PXDNL: variants seen among roughly 807,000 people sequenced by gnomAD.
The protein encoded by PXDNL is peroxidasin like.
PXDNL carries 145 observed loss-of-function variants against 150.8 expected under a neutral mutation model. The observed-to-expected ratio is 0.96, with a 90% CI of 0.84 to 1.10. The LOEUF (loss-of-function observed/expected upper bound fraction) is 1.10, where lower values mean the gene tolerates loss of function less well. Among genes scored for constraint, PXDNL ranks in the 50% least tolerant of loss-of-function variants. PXDNL has a pLI of 0.00. For missense variants in PXDNL, 2,087 were observed against 1,873.9 expected, an observed-to-expected ratio of 1.11 and a Z score of -2.10; for synonymous variants, 757 against 725.7, an observed-to-expected ratio of 1.04 and a Z score of -0.69.
intron 21 of PXDNL, 23 bp downstream of exon 21, chr8:51,339,601 T>C (rs1292460574): frequency 6.2e-7 from 1 of 1,608,950 alleles, no homozygotes; most frequent in Non-Finnish European, 8.5e-7. Context: ...AATAAGGACA[T>C]GTTATTTGAA....
chr8:51,536,468 C>T (rs138734967), intron 4 of PXDNL, among the ~76,000 whole-genome samples: 434 of 152,162 alleles, frequency 2.9e-3, no homozygotes, highest in Non-Finnish European at 4.4e-3. Flanking sequence ...AAAACTTGAG[C>T]CTAGGCTGAA....
chr8:51,638,650 A>G lies in PXDNL; in HGVS notation c.236+16039T>C, dbSNP rs371180335. On this transcript the variant is annotated intron_variant, in intron 2 of 22. Coordinates refer to ENST00000356297, the MANE Select transcript of PXDNL (RefSeq NM_144651.5). Reference sequence around the variant, plus strand: ...GGGATCAATTCAACAAGAAGAGCTAACTATCCTAAATATATATGCACCCAA... The same window carrying G: ...GGGATCAATTCAACAAGAAGAGCTAGCTATCCTAAATATATATGCACCCAA... Among the ~76,000 whole-genome samples the G allele has an allele frequency of 2.0e-5, 3 of 152,206 alleles. No individual in the cohort carries two copies. In the East Asian group the frequency reaches 5.8e-4, roughly 29 times the overall value.
chr8:51,347,847 C>G (rs555490211), intron 19 of PXDNL, among the ~76,000 whole-genome samples: 1 of 152,056 alleles, frequency 6.6e-6, no homozygotes, highest in East Asian at 1.9e-4. Flanking sequence ...ATGCTGTTAC[C>G]TCGACTTAGT....
intron 1 of PXDNL, among the ~76,000 whole-genome samples, chr8:51,699,232 T>G (rs1037786336): frequency 9.2e-5 from 14 of 152,246 alleles, no homozygotes; most frequent in African/African-American, 3.4e-4. Flanking sequence ...TTTCTTCCAG[T>G]AGAAATCTGG....
At chr8:51,553,215 G>A (rs942504078) in intron 4 of PXDNL, among the ~76,000 whole-genome samples, 7 of 152,160 alleles carry the variant, frequency 4.6e-5, no homozygotes, top group African/African-American at 9.7e-5. Flanking sequence ...CAAAGCTCTC[G>A]TGGGTTGAAG....
In PXDNL at chr8:51,319,976, C is replaced by G. The variant is rs746155726; in HGVS notation, c.4307G>C (p.Cys1436Ser). The change falls in exon 23 of 23, where the codon TGT (cysteine) becomes TCT (serine). Residue 1436 changes from cysteine (C) to serine (S), a missense_variant. Coordinates refer to ENST00000356297, the MANE Select transcript of PXDNL (RefSeq NM_144651.5). ...CVVEICPPAPCPSPELVKGTC... is the reference protein window; with the variant it reads ...CVVEICPPAPSPSPELVKGTC... ...TCCTTTCACCAATTCAGGACTGGGA[C>G]AGGGAGCCGGGGGACAAATCTCCAC... is the stretch of plus-strand genomic sequence containing the variant. 6.3e-7 allele frequency: 1 copy of G among 1,576,308 alleles called. No individual in the cohort carries two copies. The highest frequency in any genetic ancestry group is 1.2e-5 in the South Asian group (1 of 85,078).
chr8:51,435,730 TAG>T, intron 12 of PXDNL: 1 of 355,928 alleles, frequency 2.8e-6, no homozygotes, highest in Non-Finnish European at 5.6e-6. Context: ...AAGAAGAAGA[TAG>T]AGACTGGATC....
In PXDNL at chr8:51,697,784, G is replaced by A. The variant is rs150323961; in HGVS notation, c.165-43024C>T. Among the ~76,000 whole-genome samples, 366 of 152,248 alleles carry A rather than the reference G, an allele frequency of 2.4e-3. 8 individuals are homozygous for A. In the East Asian group the frequency reaches 0.048, roughly 20 times the overall value. On this transcript the variant is annotated intron_variant, in intron 1 of 22. Transcript: ENST00000356297. Reference sequence around the variant, plus strand: ...TCTTTGGTCTCTTGGCTCCTTCCTAGTTTCAAGGGAGACATTACAGTCCCA... The same window carrying A: ...TCTTTGGTCTCTTGGCTCCTTCCTAATTTCAAGGGAGACATTACAGTCCCA...
chr8:51,627,824 C>A (rs1048187950), intron 2 of PXDNL, among the ~76,000 whole-genome samples: 1 of 152,144 alleles, frequency 6.6e-6, no homozygotes, highest in Non-Finnish European at 1.5e-5. Context: ...CTGGAAGGAG[C>A]AAAGCAGATT....
At position 51,375,909 on chromosome 8, in the gene PXDNL, A is replaced by G. The variant is rs114873202; in HGVS notation, c.3558-1178T>C. Among the ~76,000 whole-genome samples the G allele has an allele frequency of 5.0e-3, 757 of 152,342 alleles. 4 individuals carry two copies. Among genetic ancestry groups the G allele is most frequent in the African/African-American group, 0.017 (712 of 41,584 alleles). On this transcript the variant is annotated intron_variant, in intron 17 of 22. Transcript: ENST00000356297. ...ATAGACAACATATAAACAAACAGAC[A>G]TAGTTGTGTTCCAATAAAACTTTAT...
At chr8:51,473,154 A>G (rs1412583340) in intron 7 of PXDNL, among the ~76,000 whole-genome samples, 1 of 152,170 alleles carries the variant, frequency 6.6e-6, no homozygotes, top group Non-Finnish European at 1.5e-5. Context: ...TAATTTAAAA[A>G]AAAATTCAAC....
At chr8:51,439,415 T>TA (rs969828959) in intron 12 of PXDNL, among the ~76,000 whole-genome samples, 113 of 151,682 alleles carry the variant, frequency 7.4e-4, no homozygotes, top group African/African-American at 2.7e-3. Flanking sequence ...ATCAAAAAAA[T>TA]AAAAAAATAA....
intron 9 of PXDNL, among the ~76,000 whole-genome samples, chr8:51,456,194 C>T (rs16916345): frequency 0.03 from 4,601 of 152,224 alleles, 231 homozygotes; most frequent in East Asian, 0.25. Flanking sequence ...CTCAGTGTAG[C>T]GTCATGAATA....
At chr8:51,509,747 C>T (rs779773099) in intron 4 of PXDNL, among the ~76,000 whole-genome samples, 25,544 of 98,976 alleles carry the variant, frequency 0.26, 2,461 homozygotes, top group African/African-American at 0.38. Flanking sequence ...TATATACACA[C>T]ACACACACAC....
chr8:51,644,889 C>T (rs1020860349), intron 2 of PXDNL, among the ~76,000 whole-genome samples: 28 of 151,534 alleles, frequency 1.8e-4, no homozygotes, highest in African/African-American at 5.3e-4. Context: ...GGCGGGGACA[C>T]GGATCCATAG....
intron 19 of PXDNL, among the ~76,000 whole-genome samples, chr8:51,368,595 T>C (rs1563377313): frequency 6.6e-6 from 1 of 152,158 alleles, no homozygotes; most frequent in African/African-American, 2.4e-5. Context: ...GAGGGTCAAT[T>C]TAATCATACA....
At chr8:51,699,650 A>C (rs1169343794) in intron 1 of PXDNL, among the ~76,000 whole-genome samples, 3 of 152,194 alleles carry the variant, frequency 2.0e-5, no homozygotes, top group Non-Finnish European at 4.4e-5. Flanking sequence ...TCAGCTTTCC[A>C]CATGCCTTCC....
At chr8:51,454,444 T>G (rs1045489158) in intron 9 of PXDNL, among the ~76,000 whole-genome samples, 1 of 152,234 alleles carries the variant, frequency 6.6e-6, no homozygotes, top group East Asian at 1.9e-4. Flanking sequence ...AAGCCATATC[T>G]AGCCAAGCTT....
At chr8:51,746,984 A>C (rs555619018) in intron 1 of PXDNL, among the ~76,000 whole-genome samples, 1 of 152,330 alleles carries the variant, frequency 6.6e-6, no homozygotes, top group Admixed American at 6.5e-5. Context: ...CAGCCTCCCA[A>C]AGTTCTGGGA....
Sources: allele counts gnomAD v4.1 joint callset (sites outside exome capture counted in the v4.1 genomes callset), GRCh38; gene constraint gnomAD v4.1.1; transcripts MANE v1.5; gene names NCBI Gene and HGNC (gene_info 2026-07-23, HGNC 2026-07-21).